MBOAT1: variants seen among roughly 807,000 people sequenced by gnomAD.
MBOAT1 encodes membrane bound glycerophospholipid O-acyltransferase 1.
In MBOAT1, 67 loss-of-function variants were observed where a neutral mutation model predicts 64.4. That is an observed-to-expected ratio of 1.04 (90% CI 0.85 to 1.27). MBOAT1 has a LOEUF of 1.27. MBOAT1 is among the 50% of genes most tolerant of loss of function. The pLI, the probability that MBOAT1 is intolerant of heterozygous loss-of-function variation, is 0.00. For missense variants in MBOAT1, 563 were observed against 604.6 expected, an observed-to-expected ratio of 0.93 and a Z score of 0.72; for synonymous variants, 229 against 218.9, an observed-to-expected ratio of 1.05 and a Z score of -0.41.
intron 9 of MBOAT1, among the ~76,000 whole-genome samples, chr6:20,116,784 C>A (rs561735901): frequency 6.6e-6 from 1 of 152,178 alleles, no homozygotes; most frequent in Admixed American, 6.5e-5. Flanking sequence ...TGACTTAGTC[C>A]TTTACCCTGA....
intron 1 of MBOAT1, among the ~76,000 whole-genome samples, chr6:20,209,894 T>C (rs1335262173): frequency 6.6e-6 from 1 of 152,170 alleles, no homozygotes; most frequent in Admixed American, 6.5e-5. Flanking sequence ...TGAGGTTCTC[T>C]CTCTGATTCT....
At position 20,100,811 on chromosome 6, in the gene MBOAT1, T is replaced by C. The variant is rs1380467809; in HGVS notation, c.*1475A>G. Among the ~76,000 whole-genome samples the C allele has an allele frequency of 1.3e-5, 2 of 151,806 alleles. No individual in the cohort carries two copies. The highest frequency in any genetic ancestry group is 2.4e-5 in the African/African-American group (1 of 41,110). ...AAGCAATCTGATTGGCAGTACACCATTGCAGCATATACTTTATTATTATCA... is the reference window on the plus strand; with the variant it reads ...AAGCAATCTGATTGGCAGTACACCACTGCAGCATATACTTTATTATTATCA... On this transcript the variant is annotated 3_prime_UTR_variant, in exon 13 of 13. Transcript: ENST00000324607.
rs746193894 is a variant in MBOAT1, at chr6:20,212,446, G to A, written c.-212C>T. The A allele has an allele frequency of 1.4e-4, 81 of 562,900 alleles. No homozygotes were observed. The highest frequency in any genetic ancestry group is 1.3e-4 in the Non-Finnish European group (43 of 319,604). The allele number at this position is 562,900 out of a possible 1,614,324, so 34.9% of individuals were successfully genotyped here. A position where few individuals can be genotyped will look rare whatever the true frequency, so the allele number is the denominator to read the frequency against. On this transcript the variant is annotated 5_prime_UTR_variant, in exon 1 of 13. Transcript: ENST00000324607. ...CAAACTTGGCTTTGGCGCTGGCGCTGCAGCCACGGGCGCCGTAGGAGGGCC... is the reference window on the plus strand; with the variant it reads ...CAAACTTGGCTTTGGCGCTGGCGCTACAGCCACGGGCGCCGTAGGAGGGCC...
At position 20,212,355 on chromosome 6, in the gene MBOAT1, G is replaced by C. The variant is rs1468951173; in HGVS notation, c.-121C>G. 3 of 789,700 alleles carry C rather than the reference G, an allele frequency of 3.8e-6. No homozygotes were observed. The highest frequency in any genetic ancestry group is 6.0e-6 in the Non-Finnish European group (3 of 502,462). The allele number at this position is 789,700 out of a possible 1,614,324, so 48.9% of individuals were successfully genotyped here. ...AGGCGCACGGCCGCCTGGTTCGCGGGGGAGCGAACGGGAGGCCGGGGAATG... is the reference window on the plus strand; with the variant it reads ...AGGCGCACGGCCGCCTGGTTCGCGGCGGAGCGAACGGGAGGCCGGGGAATG... On this transcript the variant is annotated 5_prime_UTR_variant, in exon 1 of 13. Coordinates refer to ENST00000324607, the MANE Select transcript of MBOAT1 (RefSeq NM_001080480.3).
chr6:20,102,114 C>CAAAAAAAAAAAA lies in MBOAT1; in HGVS notation c.*160_*171dup, dbSNP rs58966886. The CAAAAAAAAAAAA allele has an allele frequency of 1.0e-5, 1 of 97,248 alleles. No homozygotes were observed. The highest frequency in any genetic ancestry group is 6.9e-5 in the African/African-American group (1 of 14,534). 6.0% of individuals were successfully genotyped at this position (97,248 alleles called of 1,614,324 possible). A position where few individuals can be genotyped will look rare whatever the true frequency, so the allele number is the denominator to read the frequency against. On this transcript the variant is annotated 3_prime_UTR_variant, in exon 13 of 13. Coordinates refer to ENST00000324607, the MANE Select transcript of MBOAT1 (RefSeq NM_001080480.3). ...TGGGCGACAGAGCGAGACTCCGTCTCAAAAAAAAAAAAAAAAAAAAAAAAA... is the reference window on the plus strand; with the variant it reads ...TGGGCGACAGAGCGAGACTCCGTCTCAAAAAAAAAAAAAAAAAAAAAAAAAAAAAAAAAAAAA...
At position 20,177,897 on chromosome 6, in the gene MBOAT1, G is replaced by A. The variant is rs140563084; in HGVS notation, c.100-25128C>T. Among the ~76,000 whole-genome samples, 20 of 151,342 alleles carry A rather than the reference G, an allele frequency of 1.3e-4. No homozygotes were observed. In the East Asian group the frequency reaches 3.7e-3, roughly 28 times the overall value. On this transcript the variant is annotated intron_variant, in intron 1 of 12. Coordinates refer to ENST00000324607, the MANE Select transcript of MBOAT1 (RefSeq NM_001080480.3). ...TCTTTCCCCAAAGCTCAGCCTAACT[G>A]CCACCACCCCTGCCACCTCACTTCC...
At chr6:20,143,573 T>C (rs2113680240) in intron 4 of MBOAT1, among the ~76,000 whole-genome samples, 1 of 152,178 alleles carries the variant, frequency 6.6e-6, no homozygotes, top group South Asian at 2.1e-4. Flanking sequence ...TGAGACTACG[T>C]GGAAAGAACC....
At chr6:20,177,247 A>G (rs1762367852) in intron 1 of MBOAT1, among the ~76,000 whole-genome samples, 1 of 152,148 alleles carries the variant, frequency 6.6e-6, no homozygotes, top group South Asian at 2.1e-4. Context: ...CAGCCAACAG[A>G]TGGGTTTAGA....
At chr6:20,116,113 C>T (rs891967576) in intron 9 of MBOAT1, among the ~76,000 whole-genome samples, 17 of 152,300 alleles carry the variant, frequency 1.1e-4, no homozygotes. Context: ...AGGCCGATCA[C>T]CTGAGGTCAG....
intron 9 of MBOAT1, 122 bp downstream of exon 9, chr6:20,118,314 TG>T: frequency 1.3e-6 from 1 of 746,144 alleles, no homozygotes; most frequent in South Asian, 1.6e-5. Flanking sequence ...CTGCTGAGCC[TG>T]GCAATTCCCT....
At chr6:20,209,837 G>A (rs1383890014) in intron 1 of MBOAT1, among the ~76,000 whole-genome samples, 1 of 152,120 alleles carries the variant, frequency 6.6e-6, no homozygotes, top group Non-Finnish European at 1.5e-5. Context: ...TGAGGCCTTG[G>A]GGGCCACTGT....
chr6:20,204,969 A>G (rs1763220881), intron 1 of MBOAT1, among the ~76,000 whole-genome samples: 1 of 152,130 alleles, frequency 6.6e-6, no homozygotes, highest in African/African-American at 2.4e-5. Flanking sequence ...GGCTGAGGTG[A>G]GAGGATCGTT....
intron 1 of MBOAT1, among the ~76,000 whole-genome samples, chr6:20,169,648 C>G (rs899794823): frequency 2.0e-5 from 3 of 151,920 alleles, no homozygotes; most frequent in African/African-American, 7.3e-5. Flanking sequence ...AAAACCTTAT[C>G]CCACCCAACA....
At chr6:20,112,373 G>A (rs73382580) in intron 11 of MBOAT1, among the ~76,000 whole-genome samples, 2,322 of 152,178 alleles carry the variant, frequency 0.015, 67 homozygotes, top group African/African-American at 0.051. Flanking sequence ...AGCTAACTGC[G>A]TTGGGCGTGT....
rs1759745412 is a variant in MBOAT1 at position 20,099,934 on chromosome 6, A to G, written c.*2352T>C. On this transcript the variant is annotated 3_prime_UTR_variant, in exon 13 of 13. Transcript: ENST00000324607. ...CTATGTGTTGTTCTTTTTATACAGA[A>G]TAAAGCCTCATGTTTGTGTCCCAGG... Among the ~76,000 whole-genome samples, 1 of 152,214 alleles carries G rather than the reference A, an allele frequency of 6.6e-6. No homozygotes were observed. The highest frequency in any genetic ancestry group is 1.5e-5 in the Non-Finnish European group (1 of 68,030).
At chr6:20,207,844 G>A (rs1242093986) in intron 1 of MBOAT1, among the ~76,000 whole-genome samples, 1 of 152,212 alleles carries the variant, frequency 6.6e-6, no homozygotes, top group African/African-American at 2.4e-5. Context: ...CTACAAACCT[G>A]TGCAGTGCCT....
chr6:20,109,901 A>ATTTTTTTTTTTTTTTTTTTTTTTT lies in MBOAT1; in HGVS notation c.1210-153_1210-152insAAAAAAAAAAAAAAAAAAAAAAAA, dbSNP rs756853889. ...ATTTTCGACTACAAATACCATCAGG[A>ATTTTTTTTTTTTTTTTTTTTTTTT]CTTTTTTTTTTTTTTTTTTTTTTTT... On this transcript the variant is annotated intron_variant, in intron 11 of 12. Coordinates refer to ENST00000324607, the MANE Select transcript of MBOAT1 (RefSeq NM_001080480.3). The ATTTTTTTTTTTTTTTTTTTTTTTT allele has an allele frequency of 2.0e-5, 6 of 296,680 alleles. 1 individual carries two copies. The highest frequency in any genetic ancestry group is 2.6e-5 in the African/African-American group (1 of 38,046). The allele number at this position is 296,680 out of a possible 1,614,324, so 18.4% of individuals were successfully genotyped here.
intron 10 of MBOAT1, among the ~76,000 whole-genome samples, chr6:20,113,320 C>A (rs888818430): frequency 6.6e-6 from 1 of 152,198 alleles, no homozygotes; most frequent in African/African-American, 2.4e-5. Flanking sequence ...ACTTTCCACC[C>A]AACAGGAGTT....
chr6:20,192,991 A>ATTTTTTTTTTTTT (rs1238333593), intron 1 of MBOAT1, among the ~76,000 whole-genome samples: 5 of 59,846 alleles, frequency 8.4e-5, no homozygotes, highest in Non-Finnish European at 1.9e-4. Context: ...GTATGCTATA[A>ATTTTTTTTTTTTT]TTTCTTTTTT....
Sources: allele counts gnomAD v4.1 joint callset (sites outside exome capture counted in the v4.1 genomes callset), GRCh38; gene constraint gnomAD v4.1.1; transcripts MANE v1.5; gene names NCBI Gene and HGNC (gene_info 2026-07-23, HGNC 2026-07-21).